The following CLUL1 variants were observed in gnomAD, a reference collection of about 807,000 sequenced individuals.
CLUL1 encodes the protein clusterin-like protein 1.
A neutral mutation model predicts 49.4 loss-of-function variants in CLUL1; 43 were observed. That is an observed-to-expected ratio of 0.87 (90% confidence interval 0.68 to 1.12). The LOEUF (loss-of-function observed/expected upper bound fraction) is 1.12, where lower values mean the gene tolerates loss of function less well. Ranked by LOEUF, CLUL1 falls within the 50% of genes most tolerant of loss-of-function variation. The pLI is 0.00. For synonymous variants in CLUL1, 192 were observed against 184.9 expected (o/e 1.04, Z -0.31); for missense variants, 486 against 544.4 (o/e 0.89, Z 1.07).
intron 6 of CLUL1, among the ~76,000 whole-genome samples, chr18:628,872 A>G (rs112614021): frequency 1.3e-5 from 2 of 151,970 alleles, no homozygotes; most frequent in East Asian, 3.9e-4. Flanking sequence ...ACCTCAAGTG[A>G]TCTGCTCACC....
chr18:617,968 G>T lies in CLUL1; in HGVS notation c.-13-20G>T. The T allele has an allele frequency of 6.3e-7, 1 of 1,598,840 alleles. No individual in the cohort carries two copies. The highest frequency in any genetic ancestry group is 8.6e-7 in the Non-Finnish European group (1 of 1,167,654). On this transcript the variant is annotated intron_variant, in intron 2 of 9. Transcript: ENST00000692774. ...AACCAAATGGAAGACATTTGATGCGGGTTTATTTTTCCTTTGCAGTAACAG... is the reference window on the plus strand; with the variant it reads ...AACCAAATGGAAGACATTTGATGCGTGTTTATTTTTCCTTTGCAGTAACAG...
chr18:627,916 C>T (rs1050241903), intron 6 of CLUL1, among the ~76,000 whole-genome samples: 1 of 152,074 alleles, frequency 6.6e-6, no homozygotes, highest in African/African-American at 2.4e-5. Context: ...CTCTGCCTCC[C>T]AGGTTCAAGC....
At chr18:630,263 C>T (rs2073953709) in intron 6 of CLUL1, among the ~76,000 whole-genome samples, 1 of 152,210 alleles carries the variant, frequency 6.6e-6, no homozygotes, top group Non-Finnish European at 1.5e-5. Context: ...CACTCACCAC[C>T]ATACCTGGCT....
Position 650,040 on chromosome 18 carries a change from G to T in CLUL1, c.*139G>T. ...AGCTATATACTATGAAGTACTCTTA[G>T]TTTACTTATGTTGAATGGCTTAGCT... is the stretch of plus-strand genomic sequence containing the variant. On this transcript the variant is annotated 3_prime_UTR_variant, in exon 10 of 10. Transcript: ENST00000692774. The T allele has an allele frequency of 1.8e-6, 1 of 565,694 alleles. No individual in the cohort carries two copies. The highest frequency in any genetic ancestry group is 3.1e-6 in the Non-Finnish European group (1 of 321,930). 35.0% of individuals were successfully genotyped at this position (565,694 alleles called of 1,614,324 possible). A position where few individuals can be genotyped will look rare whatever the true frequency, so the allele number is the denominator to read the frequency against.
At chr18:617,595 C>CAAAAAAA (rs11422881) in intron 2 of CLUL1, among the ~76,000 whole-genome samples, 2 of 82,034 alleles carry the variant, frequency 2.4e-5, no homozygotes, top group Middle Eastern at 6.9e-3. Context: ...AACTCCGTCT[C>CAAAAAAA]AAAAAAAAAA....
chr18:638,752 G>A (rs925153366), intron 7 of CLUL1, among the ~76,000 whole-genome samples: 6 of 152,064 alleles, frequency 3.9e-5, no homozygotes, highest in Admixed American at 6.5e-5. Flanking sequence ...CAGCTACTCC[G>A]GAGGCTGAGG....
chr18:640,197 A>C (rs1289477466), intron 7 of CLUL1, among the ~76,000 whole-genome samples: 1 of 152,038 alleles, frequency 6.6e-6, no homozygotes, highest in Non-Finnish European at 1.5e-5. Context: ...ATTTAGTATG[A>C]CATTGAGAGG....
At chr18:640,541 A>T (rs2074315603) in intron 7 of CLUL1, among the ~76,000 whole-genome samples, 1 of 152,086 alleles carries the variant, frequency 6.6e-6, no homozygotes, top group South Asian at 2.1e-4. Flanking sequence ...ATTCTTTTGC[A>T]ATATGGCTTT....
chr18:616,347 C>T (rs1449054847), intron 2 of CLUL1, among the ~76,000 whole-genome samples: 2 of 152,174 alleles, frequency 1.3e-5, no homozygotes. Flanking sequence ...ATACACTTTT[C>T]GAACTGTTTT....
chr18:630,833 C>T (rs9964020), intron 6 of CLUL1, among the ~76,000 whole-genome samples: 18,783 of 151,128 alleles, frequency 0.12, 1,469 homozygotes, highest in East Asian at 0.29. Context: ...ACTACAGGCA[C>T]GTGCCACCAC....
chr18:642,135 A>C (rs1171461343), intron 8 of CLUL1, among the ~76,000 whole-genome samples: 2 of 152,224 alleles, frequency 1.3e-5, no homozygotes, highest in African/African-American at 2.4e-5. Flanking sequence ...CTCGTCACAT[A>C]AAAATACATT....
At chr18:611,726 T>C (rs1417734524) in intron 2 of CLUL1, among the ~76,000 whole-genome samples, 1 of 152,180 alleles carries the variant, frequency 6.6e-6, no homozygotes, top group African/African-American at 2.4e-5. Context: ...CAGTTGCTCA[T>C]CCAATTCCAC....
chr18:645,201 C>T (rs1055735394), intron 9 of CLUL1, 104 bp downstream of exon 9: 11 of 851,144 alleles, frequency 1.3e-5, no homozygotes, highest in Non-Finnish European at 1.9e-5. Context: ...CATGTTTAAC[C>T]TCATTAATAA....
rs112116637 is a variant in CLUL1, at chr18:608,787, G to T, written c.-14+1688G>T. Reference sequence around the variant, plus strand: ...CAGACAATCTGTCTCCTTTGGCCTGGGTCTCTCACTGCCTTTTAGATAAAA... The same window carrying T: ...CAGACAATCTGTCTCCTTTGGCCTGTGTCTCTCACTGCCTTTTAGATAAAA... On this transcript the variant is annotated intron_variant, in intron 2 of 9. Coordinates refer to ENST00000692774, the MANE Select transcript of CLUL1 (RefSeq NM_001393344.1). 9.8e-3 allele frequency among the ~76,000 whole-genome samples: 1,498 copies of T among 152,210 alleles called. 32 individuals are homozygous for T. The highest frequency in any genetic ancestry group is 0.033 in the African/African-American group (1,390 of 41,530).
chr18:647,857 C>A (rs150018785), intron 9 of CLUL1, among the ~76,000 whole-genome samples: 7 of 152,240 alleles, frequency 4.6e-5, no homozygotes, highest in Non-Finnish European at 8.8e-5. Context: ...TGACATTTAC[C>A]CATGTGACTC....
At chr18:628,997 G>A (rs1342014678) in intron 6 of CLUL1, among the ~76,000 whole-genome samples, 1 of 152,070 alleles carries the variant, frequency 6.6e-6, no homozygotes, top group Non-Finnish European at 1.5e-5. Flanking sequence ...TATATTAGCT[G>A]TAGCTGGCAA....
chr18:599,618 C>T (rs72865429), intron 1 of CLUL1, among the ~76,000 whole-genome samples: 27,164 of 151,846 alleles, frequency 0.18, 2,689 homozygotes, highest in Middle Eastern at 0.25. Flanking sequence ...AAAATGTCAA[C>T]GACTGTCATA....
chr18:626,636 A>C (rs913463861), intron 5 of CLUL1, among the ~76,000 whole-genome samples: 12 of 151,366 alleles, frequency 7.9e-5, no homozygotes, highest in Admixed American at 7.3e-4. Flanking sequence ...AGGCATGTGG[A>C]TTACCTGAGC....
At position 641,520 on chromosome 18, in the gene CLUL1, G is replaced by C; in HGVS notation, c.1188G>C (p.Glu396Asp). Residue 396 changes from glutamate (E) to aspartate (D), a missense_variant, in exon 8 of 10, where the codon GAG becomes GAC. Transcript: ENST00000692774. ...TGGCAAACCAGGCCCCAGAAACAGA[G>C]ATCATCTTTAATTCAATACAGGTAA... Reference protein sequence around the residue: ...SELANQAPETEIIFNSIQVVP... With the variant: ...SELANQAPETDIIFNSIQVVP... The C allele has an allele frequency of 1.9e-6, 3 of 1,614,132 alleles. No homozygotes were observed. The highest frequency in any genetic ancestry group is 2.5e-6 in the Non-Finnish European group (3 of 1,180,016).
Sources: allele counts gnomAD v4.1 joint callset (sites outside exome capture counted in the v4.1 genomes callset), GRCh38; gene constraint gnomAD v4.1.1; transcripts MANE v1.5; gene names NCBI Gene and HGNC (gene_info 2026-07-23, HGNC 2026-07-21).